Variants in VSIG4 observed in about 807,000 individuals in gnomAD.
VSIG4 encodes the protein V-set and immunoglobulin domain-containing protein 4.
VSIG4 carries 34 observed loss-of-function variants against 23.4 expected under a neutral mutation model. The ratio of observed to expected loss-of-function variants is 1.45; its 90% confidence interval spans 1.10 to 1.93. The LOEUF is 1.93. VSIG4 is among the 30% of genes most tolerant of loss of function. The pLI is 0.00. For missense variants in VSIG4, 433 were observed against 310.8 expected (o/e 1.39, Z -2.96); for synonymous variants, 169 against 120.3 (o/e 1.41, Z -2.65).
chrX:66,032,427 C>A (rs1458936017), intron 3 of VSIG4, 41 bp downstream of exon 3: 1 of 1,180,525 alleles, frequency 8.5e-7, no homozygotes, highest in Non-Finnish European at 1.1e-6. Flanking sequence ...TTGTTTCAAG[C>A]TTGTGTGTTA....
At chrX:66,039,568 A>G (rs780383001) in intron 1 of VSIG4, among the ~76,000 whole-genome samples, 1 of 111,821 alleles carries the variant, frequency 8.9e-6, no homozygotes, top group Admixed American at 9.5e-5. Flanking sequence ...ATATTTTAAC[A>G]GAGACCAAAG....
chrX:66,022,605 C>T (rs1248321626), intron 7 of VSIG4, 105 bp from the exon 8 acceptor site: 1 of 1,146,712 alleles, frequency 8.7e-7, no homozygotes, highest in Non-Finnish European at 1.2e-6. Flanking sequence ...AGGATCCTAC[C>T]ACCCAGGGAT....
At chrX:66,034,835 C>A (rs2085517432) in intron 1 of VSIG4, among the ~76,000 whole-genome samples, 2 of 109,755 alleles carry the variant, frequency 1.8e-5, no homozygotes, top group African/African-American at 6.6e-5. Flanking sequence ...ATTTTCCATC[C>A]ATAAGCTCTT....
chrX:66,028,262 TTG>T, intron 3 of VSIG4, 150 bp from the exon 4 acceptor site: 1 of 466,506 alleles, frequency 2.1e-6, no homozygotes, highest in Non-Finnish European at 3.8e-6. Context: ...AAGTCCTGTG[TTG>T]CTTGTTCATC....
At chrX:66,031,948 CAG>C (rs2147665867) in intron 3 of VSIG4, among the ~76,000 whole-genome samples, 1 of 111,871 alleles carries the variant, frequency 8.9e-6, no homozygotes, top group South Asian at 3.7e-4. Context: ...ACCAAACAAA[CAG>C]AACACACAAA....
intron 1 of VSIG4, among the ~76,000 whole-genome samples, chrX:66,036,714 AATAT>A (rs1217768220): frequency 1.8e-5 from 1 of 55,087 alleles, no homozygotes; most frequent in East Asian, 5.8e-4. Flanking sequence ...ATAATTATAT[AATAT>A]ATATATTATA....
At chrX:66,026,211 T>C (rs1458710249) in intron 5 of VSIG4, among the ~76,000 whole-genome samples, 1 of 111,704 alleles carries the variant, frequency 9.0e-6, no homozygotes, top group East Asian at 2.8e-4. Context: ...AACCTCAGTG[T>C]ACTTAGGATT....
At chrX:66,035,745 T>C (rs1298747518) in intron 1 of VSIG4, among the ~76,000 whole-genome samples, 1 of 112,223 alleles carries the variant, frequency 8.9e-6, no homozygotes, top group Admixed American at 9.5e-5. Flanking sequence ...AGCCTCTTGG[T>C]TTAATAGGCT....
chrX:66,027,287 C>T (rs2085402707), intron 5 of VSIG4, among the ~76,000 whole-genome samples, 162 bp downstream of exon 5: 1 of 112,137 alleles, frequency 8.9e-6, no homozygotes, highest in Admixed American at 9.4e-5. Flanking sequence ...TCTCTACATC[C>T]TACCCACTTT....
At chrX:66,022,609 C>T in intron 7 of VSIG4, 109 bp from the exon 8 acceptor site, 1 of 1,143,397 alleles carries the variant, frequency 8.7e-7, no homozygotes, top group Non-Finnish European at 1.2e-6. Flanking sequence ...TCCTACCACC[C>T]AGGGATTCTG....
At chrX:66,023,943 G>T (rs1359869394) in intron 6 of VSIG4, among the ~76,000 whole-genome samples, 1 of 112,234 alleles carries the variant, frequency 8.9e-6, no homozygotes, top group Non-Finnish European at 1.9e-5. Context: ...GTGCCCCTGG[G>T]GTTTGTAGTC....
intron 4 of VSIG4, among the ~76,000 whole-genome samples, 162 bp downstream of exon 4, chrX:66,027,888 T>A (rs1233304018): frequency 8.9e-6 from 1 of 112,534 alleles, no homozygotes; most frequent in African/African-American, 3.2e-5. Flanking sequence ...TATATATTCA[T>A]CATTGTTACC....
At chrX:66,026,862 T>C (rs1350387328) in intron 5 of VSIG4, among the ~76,000 whole-genome samples, 1 of 111,582 alleles carries the variant, frequency 9.0e-6, no homozygotes, top group Admixed American at 9.5e-5. Flanking sequence ...AATGGAGGGC[T>C]CAGGGGTTAA....
intron 3 of VSIG4, among the ~76,000 whole-genome samples, chrX:66,031,949 A>G (rs2085468773): frequency 8.9e-6 from 1 of 112,162 alleles, no homozygotes; most frequent in Non-Finnish European, 1.9e-5. Context: ...CCAAACAAAC[A>G]GAACACACAA....
At chrX:66,035,400 C>A (rs897185388) in intron 1 of VSIG4, among the ~76,000 whole-genome samples, 1 of 111,937 alleles carries the variant, frequency 8.9e-6, no homozygotes, top group Non-Finnish European at 1.9e-5. Context: ...TTAGAACGAA[C>A]TTTGTGATTA....
intron 3 of VSIG4, among the ~76,000 whole-genome samples, chrX:66,028,558 C>CTTTTT (rs34660062): frequency 1.3e-5 from 1 of 74,252 alleles, no homozygotes; most frequent in African/African-American, 4.8e-5. Flanking sequence ...ACGTAATCAA[C>CTTTTT]TTTTTTTTTT....
chrX:66,022,438 C>G lies in VSIG4; in HGVS notation c.1025G>C (p.Gly342Ala). 8.3e-7 allele frequency: 1 copy of G among 1,211,984 alleles called. No homozygotes were observed. Among genetic ancestry groups the G allele is most frequent in the Non-Finnish European group, 1.1e-6 (1 of 895,558 alleles). Reference protein sequence around the residue: ...ETMRVAIFASGCSSDEPTSQN... With the variant: ...ETMRVAIFASACSSDEPTSQN... ...GGAAGTTGGCTCATCACTGGAGCAG[C>G]CACTTGCGAAGATGGCCACCCTCAT... The change falls in exon 8 of 8, where the codon GGC becomes GCC. Residue 342 changes from glycine (G) to alanine (A), a missense_variant. Gly to Ala is a moderately conservative substitution (Grantham distance 60, BLOSUM62 0). Transcript: ENST00000374737.
chrX:66,024,669 A>G (rs1170099390), intron 6 of VSIG4, among the ~76,000 whole-genome samples: 2 of 111,767 alleles, frequency 1.8e-5, no homozygotes, highest in African/African-American at 6.5e-5. Flanking sequence ...CATAGCCTCT[A>G]TTGCTATGTA....
chrX:66,022,214 G>A lies in VSIG4; in HGVS notation c.*49C>T, dbSNP rs746770020. On this transcript the variant is annotated 3_prime_UTR_variant, in exon 8 of 8. Coordinates refer to ENST00000374737, the MANE Select transcript of VSIG4 (RefSeq NM_007268.3). ...GGGAAGAAGGCCATGCAGAAGGCAA[G>A]GACTGACTAGGCAATTATGTCAGCA... 1 of 1,210,538 alleles carries A rather than the reference G, an allele frequency of 8.3e-7. No individual in the cohort carries two copies. Among genetic ancestry groups the A allele is most frequent in the African/African-American group, 1.7e-5 (1 of 57,441 alleles).
Sources: gnomAD v4.1 joint callset for allele counts (sites outside exome capture counted in the v4.1 genomes callset) on GRCh38, gnomAD v4.1.1 for gene constraint, MANE v1.5 for transcripts, NCBI Gene and HGNC (gene_info 2026-07-23, HGNC 2026-07-21) for gene names.